The following GOLGA4 variants were observed in gnomAD, a reference collection of about 807,000 sequenced individuals.
The protein encoded by GOLGA4 is golgin A4, also known as golgin subfamily A member 4.
GOLGA4 carries 169 observed loss-of-function variants against 265.9 expected under a neutral mutation model. That is an observed-to-expected ratio of 0.64 (90% CI 0.56 to 0.72). The LOEUF (loss-of-function observed/expected upper bound fraction) is 0.72. Ranked by LOEUF, GOLGA4 falls within the 30% of genes least tolerant of loss-of-function variation. The probability of loss-of-function intolerance (pLI) is 0.00; values close to 1 mark genes in which losing one functional copy is unlikely to be tolerated. For synonymous variants in GOLGA4, 923 were observed against 855.8 expected (o/e 1.08, Z -1.37); for missense variants, 2,482 against 2,483.4 (o/e 1.00, Z 0.01).
At position 37,244,906 on chromosome 3, in the gene GOLGA4, T is replaced by C. The variant is rs1455560339; in HGVS notation, c.72+1284T>C. Among the ~76,000 whole-genome samples the C allele has an allele frequency of 2.0e-5, 3 of 152,174 alleles. No individual in the cohort carries two copies. In the East Asian group the frequency reaches 5.8e-4, roughly 29 times the overall value. On this transcript the variant is annotated intron_variant, in intron 1 of 23. Transcript: ENST00000361924. ...TTAATTAAGAAACAAAGATAAACTTTAAAAGTGAGGTAGAGATGAGGAATG... is the reference window on the plus strand; with the variant it reads ...TTAATTAAGAAACAAAGATAAACTTCAAAAGTGAGGTAGAGATGAGGAATG...
rs773523741 is a variant in GOLGA4, at chr3:37,326,051, C to T, written c.4165C>T (p.Leu1389=). ...TGTTCAGCTTCAAAATAGCATCAGC[C>T]TATCCGAAAAAGAAGCAGCCATTTC... ...LNVQLQNSIS[L]SEKEAAISSL... Residue 1389 remains leucine, a synonymous_variant, in exon 14 of 24, where the codon CTA becomes TTA. Coordinates refer to ENST00000361924, the MANE Select transcript of GOLGA4 (RefSeq NM_002078.5). 49 of 1,613,020 alleles carry T rather than the reference C, an allele frequency of 3.0e-5. No homozygotes were observed. The highest frequency in any genetic ancestry group is 4.0e-5 in the Non-Finnish European group (47 of 1,179,276).
At chr3:37,332,731 G>A (rs1257647874) in intron 16 of GOLGA4, among the ~76,000 whole-genome samples, 5 of 151,620 alleles carry the variant, frequency 3.3e-5, no homozygotes, top group African/African-American at 1.2e-4. Flanking sequence ...TTATACTCCA[G>A]TGTTTCATTA....
intron 23 of GOLGA4, among the ~76,000 whole-genome samples, chr3:37,362,564 A>G (rs1252664229): frequency 1.3e-5 from 2 of 151,502 alleles, no homozygotes; most frequent in Non-Finnish European, 2.9e-5. Context: ...AAAAATAAGT[A>G]AAGCCTTTAT....
At chr3:37,309,147 G>A (rs2096915784) in intron 10 of GOLGA4, among the ~76,000 whole-genome samples, 1 of 151,928 alleles carries the variant, frequency 6.6e-6, no homozygotes, top group South Asian at 2.1e-4. Context: ...AGCTACTCGG[G>A]AAGTTGAGGC....
chr3:37,366,060 T>C lies in GOLGA4; in HGVS notation c.*34-20T>C. On this transcript the variant is annotated intron_variant, in intron 23 of 23. Transcript: ENST00000361924. ...TTTTTTGCCCCCTTTCTTTATTCTC[T>C]TTTCCTTTTTCTTTTCCAGTCATGG... The C allele has an allele frequency of 6.5e-7, 1 of 1,527,106 alleles. No individual in the cohort carries two copies. The highest frequency in any genetic ancestry group is 1.2e-5 in the South Asian group (1 of 82,756). The allele number at this position is 1,527,106 out of a possible 1,614,324, so 94.6% of individuals were successfully genotyped here. A position where few individuals can be genotyped will look rare whatever the true frequency, so the allele number is the denominator to read the frequency against.
intron 16 of GOLGA4, 170 bp downstream of exon 16, chr3:37,329,263 T>C (rs2096982495): frequency 2.1e-6 from 1 of 485,338 alleles, no homozygotes; most frequent in Admixed American, 4.1e-5. Flanking sequence ...AAAGTTGAGT[T>C]GATTTCTGCC....
chr3:37,272,675 A>C (rs1401511672), intron 2 of GOLGA4, among the ~76,000 whole-genome samples: 2 of 152,254 alleles, frequency 1.3e-5, no homozygotes, highest in African/African-American at 4.8e-5. Context: ...TTTTTCACTT[A>C]AGAATAAGTT....
chr3:37,319,462 T>A, intron 12 of GOLGA4: 1 of 188,202 alleles, frequency 5.3e-6, no homozygotes, highest in Non-Finnish European at 1.1e-5. Flanking sequence ...TGGTGAGATC[T>A]TGGCTCGCTG....
chr3:37,299,755 C>T (rs1184861933), intron 9 of GOLGA4, among the ~76,000 whole-genome samples: 1 of 151,904 alleles, frequency 6.6e-6, no homozygotes, highest in Non-Finnish European at 1.5e-5. Flanking sequence ...AGTTGCCTAA[C>T]AAATAAATAA....
In GOLGA4 at chr3:37,299,039, T is replaced by G; in HGVS notation, c.1002+19T>G. On this transcript the variant is annotated intron_variant, in intron 8 of 23. Coordinates refer to ENST00000361924, the MANE Select transcript of GOLGA4 (RefSeq NM_002078.5). ...GATAAAGGTAAAAGAGCAGATGAGT[T>G]TTGTTCTAATTTAATCTATAAAGTT... 6.5e-7 allele frequency: 1 copy of G among 1,548,408 alleles called. No homozygotes were observed. Among genetic ancestry groups the G allele is most frequent in the Non-Finnish European group, 8.7e-7 (1 of 1,144,942 alleles).
intron 23 of GOLGA4, 88 bp from the exon 24 acceptor site, chr3:37,365,991 TG>T: frequency 8.6e-7 from 1 of 1,157,662 alleles, no homozygotes; most frequent in African/African-American, 1.5e-5. Context: ...ATTTCAAACT[TG>T]AAAAAACAAA....
At chr3:37,287,773 T>C (rs753411492) in intron 4 of GOLGA4, among the ~76,000 whole-genome samples, 26 of 152,224 alleles carry the variant, frequency 1.7e-4, no homozygotes, top group Non-Finnish European at 2.8e-4. Flanking sequence ...TCATGGCTTT[T>C]TTGGGGAAAA....
Position 37,263,630 on chromosome 3 carries a change from C to A in GOLGA4, c.162+12146C>A, listed in dbSNP as rs957585963. Among the ~76,000 whole-genome samples the A allele has an allele frequency of 3.9e-5, 6 of 152,168 alleles. No homozygotes were observed. The South Asian group carries it at 1.2e-3, about 32-fold the overall frequency. On this transcript the variant is annotated intron_variant, in intron 2 of 23. Transcript: ENST00000361924. ...TTATTTAGGAAGGAAATAACAAGGTCAACAAAGACTCCTTAGGCTTTAAGG... is the reference window on the plus strand; with the variant it reads ...TTATTTAGGAAGGAAATAACAAGGTAAACAAAGACTCCTTAGGCTTTAAGG...
At position 37,302,260 on chromosome 3, in the gene GOLGA4, C is replaced by T. The variant is rs140983166; in HGVS notation, c.1162C>T (p.Arg388Cys). 1.3e-4 allele frequency: 208 copies of T among 1,612,588 alleles called. 1 individual carries two copies. The highest frequency in any genetic ancestry group is 1.3e-3 in the African/African-American group (95 of 74,980). ...GAAAGAAGAAGAAATTGCTCAACTC[C>T]GTAGTCGCATCAAACAGATGACTAC... ...EMKEEEIAQL[R>C]SRIKQMTTQG... Residue 388 changes from arginine to cysteine, a missense_variant, in exon 10 of 24, where the codon CGT becomes TGT. Physicochemically the swap from Arg to Cys is radical, Grantham distance 180. Transcript: ENST00000361924.
chr3:37,275,858 C>T (rs2096816260), intron 2 of GOLGA4: 1 of 1,613,746 alleles, frequency 6.2e-7, no homozygotes, highest in Non-Finnish European at 8.5e-7. Context: ...TATTCGCAAG[C>T]AGAGTACAGA....
At chr3:37,264,968 G>A (rs150772750) in intron 2 of GOLGA4, among the ~76,000 whole-genome samples, 81 of 152,094 alleles carry the variant, frequency 5.3e-4, no homozygotes, top group South Asian at 1.7e-3. Flanking sequence ...CATCTTTTGT[G>A]GGGGAGGCCC....
chr3:37,244,750 G>A (rs928756411), intron 1 of GOLGA4, among the ~76,000 whole-genome samples: 16 of 152,196 alleles, frequency 1.1e-4, no homozygotes, highest in African/African-American at 3.9e-4. Context: ...CAGTGCTTGA[G>A]AAAAACATCA....
At chr3:37,355,247 T>TA in intron 22 of GOLGA4, 60 bp downstream of exon 22, 1 of 887,362 alleles carries the variant, frequency 1.1e-6, no homozygotes. Context: ...ATATTCTGTC[T>TA]CATTTATAAG....
Position 37,315,529 on chromosome 3 carries a change from T to C in GOLGA4, c.1344T>C (p.Ser448=), listed in dbSNP as rs781602500. The change falls in exon 11 of 24, where the codon AGT becomes AGC. Residue 448 remains serine, a synonymous_variant. Transcript: ENST00000361924. ...AAATAAAAACTATCGAAAAAACAAG[T>C]GAGGAGGAACGCATCAGTCTTCAAC... is the stretch of plus-strand genomic sequence containing the variant. The part of the protein sequence containing the change: ...DEQIKTIEKT[S]EEERISLQQE... 1.6e-5 allele frequency: 26 copies of C among 1,613,326 alleles called. No individual in the cohort carries two copies. The highest frequency in any genetic ancestry group is 2.2e-5 in the Non-Finnish European group (26 of 1,179,748).
Sources: allele counts gnomAD v4.1 joint callset (sites outside exome capture counted in the v4.1 genomes callset), GRCh38; gene constraint gnomAD v4.1.1; transcripts MANE v1.5; gene names NCBI Gene and HGNC (gene_info 2026-07-23, HGNC 2026-07-21).